The following SLC12A9 variants were observed in gnomAD, a reference collection of about 807,000 sequenced individuals.
SLC12A9 encodes CCC-interacting protein 1.
A neutral mutation model predicts 66.0 loss-of-function variants in SLC12A9; 55 were observed. The observed-to-expected ratio is 0.83, with a 90% CI of 0.67 to 1.04. The LOEUF is 1.04. Ranked by LOEUF, SLC12A9 falls within the 50% of genes least tolerant of loss-of-function variation. SLC12A9 has a pLI of 0.00. For missense variants in SLC12A9, 1,061 were observed against 1,241.9 expected, an observed-to-expected ratio of 0.85 and a Z score of 2.19; for synonymous variants, 577 against 569.0, an observed-to-expected ratio of 1.01 and a Z score of -0.20.
chr7:100,848,783 G>T (rs192798785), upstream of SLC12A9, among the ~76,000 whole-genome samples: 19 of 152,104 alleles, frequency 1.2e-4, no homozygotes, highest in East Asian at 3.7e-3. Context: ...CTACTTGGGA[G>T]GCTGAGGCAG....
chr7:100,857,382 C>T, intron 5 of SLC12A9: 1 of 603,636 alleles, frequency 1.7e-6, no homozygotes, highest in Admixed American at 3.0e-5. Context: ...ACAGTCCCTG[C>T]TTTAGAGGAA....
At position 100,859,934 on chromosome 7, in the gene SLC12A9, C is replaced by T; in HGVS notation, c.1027C>T (p.Pro343Ser). 4 of 1,610,374 alleles carry T rather than the reference C, an allele frequency of 2.5e-6. No homozygotes were observed. Among genetic ancestry groups the T allele is most frequent in the South Asian group, 1.1e-5 (1 of 91,046 alleles). The change falls in exon 8 of 14, where the codon CCC (proline) becomes TCC (serine). Residue 343 changes from proline to serine, a missense_variant. Pro to Ser is a moderately conservative substitution (Grantham distance 74). Transcript: ENST00000354161. ...GTTCTTCCGCGCCATCAGCCTGTGGCCCCCACTGGTGTTGATCGGAATCTA... is the reference window on the plus strand; with the variant it reads ...GTTCTTCCGCGCCATCAGCCTGTGGTCCCCACTGGTGTTGATCGGAATCTA... ...YGFFRAISLW[P>S]PLVLIGIYAT...
intron 5 of SLC12A9, 24 bp downstream of exon 5, chr7:100,857,200 G>C (rs745765280): frequency 6.3e-7 from 1 of 1,593,336 alleles, no homozygotes; most frequent in Non-Finnish European, 8.6e-7. Context: ...TGCCGTGGCA[G>C]GGATCTCGGG....
chr7:100,854,696 C>A lies in SLC12A9; in HGVS notation c.258C>A (p.Thr86=), dbSNP rs747366109. The A allele has an allele frequency of 1.9e-6, 3 of 1,614,000 alleles. No homozygotes were observed. The highest frequency in any genetic ancestry group is 3.3e-5 in the Admixed American group (2 of 60,002). The change falls in exon 3 of 14, where the codon ACC becomes ACA. Residue 86 remains threonine (T), a synonymous_variant. Transcript: ENST00000354161. The part of the protein sequence containing the change: ...LLVAYFILAL[T]VLSVCAIATN... ...TTGCCTACTTCATCCTGGCACTCAC[C>A]GTCCTCTCTGTCTGTGCCATCGCCA...
chr7:100,831,894 G>A (rs1040731482), intron 1 of SLC12A9, among the ~76,000 whole-genome samples: 14 of 152,056 alleles, frequency 9.2e-5, no homozygotes, highest in African/African-American at 2.4e-4. Flanking sequence ...CTTCTTCCAC[G>A]GCCCTGGTTA....
rs771432267 is a variant in SLC12A9, at chr7:100,861,042, C to T, written c.1219-96C>T. ...ACTGGCACTTTCTGGGGCTCATTGA[C>T]ACTTTGGGGTACACTGGCATTCTTT... On this transcript the variant is annotated intron_variant, in intron 9 of 13. Transcript: ENST00000354161. The surrounding 1 kb of genome is among the most constrained non-coding windows in gnomAD (Gnocchi z 5.3). The T allele has an allele frequency of 1.9e-6, 3 of 1,601,080 alleles. No homozygotes were observed. Among genetic ancestry groups the T allele is most frequent in the East Asian group, 2.2e-5 (1 of 44,826 alleles).
chr7:100,862,899 G>A, intron 13 of SLC12A9, 72 bp downstream of exon 13: 6 of 1,583,636 alleles, frequency 3.8e-6, no homozygotes, highest in Non-Finnish European at 5.2e-6. Context: ...CCCTCCCCTA[G>A]AGAGTCAGCC....
rs373580228 is a variant in SLC12A9 at position 100,862,672 on chromosome 7, T to C, written c.1712-9T>C. The C allele has an allele frequency of 6.2e-7, 1 of 1,613,846 alleles. No homozygotes were observed. Among genetic ancestry groups the C allele is most frequent in the African/African-American group, 1.3e-5 (1 of 74,922 alleles). On this transcript the variant is annotated splice_polypyrimidine_tract_variant and intron_variant, in intron 12 of 13. Transcript: ENST00000354161. ...ACTGGCTACCTTCCTTTCCTTATCTTCTCTGTAGACTCCCTGCCCTCGGAC... is the reference window on the plus strand; with the variant it reads ...ACTGGCTACCTTCCTTTCCTTATCTCCTCTGTAGACTCCCTGCCCTCGGAC...
chr7:100,862,702 T>C lies in SLC12A9; in HGVS notation c.1733T>C (p.Val578Ala). The C allele has an allele frequency of 1.9e-6, 3 of 1,614,214 alleles. No homozygotes were observed. Among genetic ancestry groups the C allele is most frequent in the Non-Finnish European group, 2.5e-6 (3 of 1,180,032 alleles). ...GTAGACTCCCTGCCCTCGGACCCTG[T>C]ACAGCCGCAGTATGGGGCATGGCTC... ...GDLDSLPSDP[V>A]QPQYGAWLSL... is the part of the protein sequence containing the mutation. Residue 578 changes from valine to alanine, a missense_variant, in exon 13 of 14, where the codon GTA (valine) becomes GCA (alanine). Transcript: ENST00000354161.
chr7:100,862,775 C>T lies in SLC12A9; in HGVS notation c.1806C>T (p.Leu602=). The T allele has an allele frequency of 1.2e-6, 2 of 1,614,202 alleles. No individual in the cohort carries two copies. Among genetic ancestry groups the T allele is most frequent in the Non-Finnish European group, 1.7e-6 (2 of 1,180,036 alleles). The change falls in exon 13 of 14, where the codon CTC becomes CTT. Residue 602 remains leucine (L), a synonymous_variant. Coordinates refer to ENST00000354161, the MANE Select transcript of SLC12A9 (RefSeq NM_020246.4). ...AQVKAFVDLT[L]SPSVRQGAQH... is the part of the protein sequence containing the mutation. ...TGAAGGCTTTTGTGGATCTAACCCTCTCACCCTCCGTGCGCCAGGGGGCTC... is the reference window on the plus strand; with the variant it reads ...TGAAGGCTTTTGTGGATCTAACCCTTTCACCCTCCGTGCGCCAGGGGGCTC...
At chr7:100,839,226 G>A (rs1813730857) in intron 1 of SLC12A9, among the ~76,000 whole-genome samples, 1 of 152,068 alleles carries the variant, frequency 6.6e-6, no homozygotes, top group South Asian at 2.1e-4. Context: ...TCAGGAGGCT[G>A]AGGCAGGAGA....
Position 100,866,418 on chromosome 7 carries a change from C to T in SLC12A9, c.2558C>T (p.Pro853Leu), listed in dbSNP as rs1562999899. 1.5e-5 allele frequency: 23 copies of T among 1,544,448 alleles called. No homozygotes were observed. Among genetic ancestry groups the T allele is most frequent in the African/African-American group, 4.1e-5 (3 of 72,970 alleles). The change falls in exon 14 of 14, where the codon CCG becomes CTG. Residue 853 changes from proline to leucine, a missense_variant. By Grantham distance (98) the Pro-to-Leu change is moderately conservative (BLOSUM62 -3). Transcript: ENST00000354161. The surrounding 1 kb of genome is among the most constrained non-coding windows in gnomAD (Gnocchi z 7.3). ...CAGGGGCGCGGCACAGGAGGAGGGC[C>T]GGGTGGGCCGGAGGGTGGGGATGCT... ...AQQGRGTGGG[P>L]GGPEGGDAEG...
At chr7:100,828,661 C>A (rs1813479392) in intron 1 of SLC12A9, among the ~76,000 whole-genome samples, 1 of 151,904 alleles carries the variant, frequency 6.6e-6, no homozygotes, top group African/African-American at 2.4e-5. Context: ...GGGGGGGCTT[C>A]CCCGCCGCCC....
chr7:100,832,397 TCA>T (rs1217210945), intron 1 of SLC12A9, among the ~76,000 whole-genome samples: 1 of 151,856 alleles, frequency 6.6e-6, no homozygotes, highest in Admixed American at 6.6e-5. Context: ...CTATGGTCTC[TCA>T]GACACTGGGG....
Position 100,866,708 on chromosome 7 carries a change from C to G in SLC12A9, c.*103C>G. The G allele has an allele frequency of 7.8e-7, 1 of 1,279,996 alleles. No individual in the cohort carries two copies. The highest frequency in any genetic ancestry group is 2.7e-5 in the East Asian group (1 of 36,570). 79.3% of individuals were successfully genotyped at this position (1,279,996 alleles called of 1,614,324 possible). On this transcript the variant is annotated 3_prime_UTR_variant, in exon 14 of 14. Coordinates refer to ENST00000354161, the MANE Select transcript of SLC12A9 (RefSeq NM_020246.4). The surrounding 1 kb of genome is among the most constrained non-coding windows in gnomAD (Gnocchi z 7.3). ...GGCCACTGTGGCCCGTGGCCCTGCCCTTGGGACGTGGAGCCCAGGGGAGGT... is the reference window on the plus strand; with the variant it reads ...GGCCACTGTGGCCCGTGGCCCTGCCGTTGGGACGTGGAGCCCAGGGGAGGT...
At chr7:100,864,453 A>G (rs974516206) in intron 13 of SLC12A9, among the ~76,000 whole-genome samples, 4 of 152,216 alleles carry the variant, frequency 2.6e-5, no homozygotes, top group Non-Finnish European at 4.4e-5. Flanking sequence ...TTCTCCTGTC[A>G]TAGAAAATTT....
chr7:100,864,475 T>C (rs920331109), intron 13 of SLC12A9, among the ~76,000 whole-genome samples: 1 of 152,236 alleles, frequency 6.6e-6, no homozygotes, highest in Non-Finnish European at 1.5e-5. Context: ...ATTTATGGCT[T>C]GAGCAGTGTT....
chr7:100,860,820 AG>A, intron 9 of SLC12A9: 11 of 425,974 alleles, frequency 2.6e-5, no homozygotes, highest in Middle Eastern at 3.4e-4. Flanking sequence ...GGTACTTTCC[AG>A]GGTTCACTGA....
chr7:100,841,665 A>C (rs1185474095), intron 1 of SLC12A9, among the ~76,000 whole-genome samples: 1 of 152,166 alleles, frequency 6.6e-6, no homozygotes, highest in East Asian at 1.9e-4. Flanking sequence ...AATTAGATAA[A>C]TATGTCTATA....
Sources: gnomAD v4.1 joint callset for allele counts (sites outside exome capture counted in the v4.1 genomes callset) on GRCh38, gnomAD v4.1.1 for gene constraint, Gnocchi (gnomAD v3.1) non-coding constraint, MANE v1.5 for transcripts, NCBI Gene and HGNC (gene_info 2026-07-23, HGNC 2026-07-21) for gene names.